ANO10: variants seen among roughly 807,000 people sequenced by gnomAD.
ANO10 encodes anoctamin 10.
A neutral mutation model predicts 74.7 loss-of-function variants in ANO10; 77 were observed. That is an observed-to-expected ratio of 1.03 (90% CI 0.86 to 1.25). The LOEUF is 1.25. Among genes scored for constraint, ANO10 ranks in the 50% most tolerant of loss-of-function variants. The pLI, the probability that ANO10 is intolerant of heterozygous loss-of-function variation, is 0.00. For synonymous variants in ANO10, 279 were observed against 284.9 expected (o/e 0.98, Z 0.21); for missense variants, 721 against 778.1 (o/e 0.93, Z 0.87).
At chr3:43,533,862 T>C (rs2078580415) in intron 11 of ANO10, among the ~76,000 whole-genome samples, 1 of 152,236 alleles carries the variant, frequency 6.6e-6, no homozygotes, top group African/African-American at 2.4e-5. Flanking sequence ...TCCTTTACAT[T>C]GAAAATTTTG....
intron 12 of ANO10, among the ~76,000 whole-genome samples, chr3:43,428,796 C>CAAAAAAAA (rs56213626): frequency 0.015 from 814 of 55,418 alleles, 194 homozygotes; most frequent in African/African-American, 0.019. Flanking sequence ...TTTGTGAATG[C>CAAAAAAAA]AAAAAAAAAA....
At chr3:43,490,352 T>A (rs1456807385) in intron 11 of ANO10, among the ~76,000 whole-genome samples, 3 of 152,238 alleles carry the variant, frequency 2.0e-5, no homozygotes, top group African/African-American at 7.2e-5. Context: ...AAAAACTTTT[T>A]ATCTAAACAC....
intron 12 of ANO10, among the ~76,000 whole-genome samples, chr3:43,371,696 G>T (rs2091617994): frequency 6.6e-6 from 1 of 152,144 alleles, no homozygotes; most frequent in African/African-American, 2.4e-5. Flanking sequence ...ACAAGCAAGG[G>T]CTTCTCTACA....
intron 4 of ANO10, among the ~76,000 whole-genome samples, chr3:43,594,670 A>G (rs1347226432): frequency 6.6e-6 from 1 of 152,244 alleles, no homozygotes; most frequent in Non-Finnish European, 1.5e-5. Flanking sequence ...GAAAAGATCT[A>G]AAATTGACAC....
chr3:43,485,196 T>C (rs1330185465), intron 11 of ANO10: 2 of 697,786 alleles, frequency 2.9e-6, no homozygotes, highest in African/African-American at 1.7e-5. Context: ...GGTGGTCAGG[T>C]ACCGGTATTG....
chr3:43,652,116 CT>C (rs201295611), intron 1 of ANO10, among the ~76,000 whole-genome samples: 122 of 141,914 alleles, frequency 8.6e-4, no homozygotes, highest in Non-Finnish European at 1.0e-3. Context: ...TCTTGGCCGC[CT>C]TTTTTTTTTT....
chr3:43,484,890 A>C (rs1341327476), intron 11 of ANO10: 1 of 633,884 alleles, frequency 1.6e-6, no homozygotes, highest in Non-Finnish European at 2.7e-6. Context: ...CAATTGTCTA[A>C]GCATTTACAG....
chr3:43,507,843 T>G (rs1198402160), intron 11 of ANO10, among the ~76,000 whole-genome samples: 4 of 152,262 alleles, frequency 2.6e-5, no homozygotes, highest in Non-Finnish European at 2.9e-5. Context: ...AGGGGGAGAT[T>G]GTATAGTTAG....
At chr3:43,617,957 T>C (rs13319147) in intron 1 of ANO10, 66,844 of 152,012 alleles carry the variant, frequency 0.44, 17,872 homozygotes, top group East Asian at 0.77. Flanking sequence ...GCAATTTTAA[T>C]GGCCAGGCTA....
At chr3:43,688,318 G>A (rs756201776) in intron 1 of ANO10, among the ~76,000 whole-genome samples, 4 of 152,078 alleles carry the variant, frequency 2.6e-5, no homozygotes, top group Non-Finnish European at 5.9e-5. Flanking sequence ...TGTTCCAGGC[G>A]GTAGGGTCTT....
intron 5 of ANO10, among the ~76,000 whole-genome samples, chr3:43,579,614 G>C (rs2081175714): frequency 6.6e-6 from 1 of 152,188 alleles, no homozygotes; most frequent in Admixed American, 6.5e-5. Context: ...AGCTACATGG[G>C]AGGCTGAGGC....
chr3:43,456,081 A>G (rs111494938), intron 11 of ANO10, among the ~76,000 whole-genome samples: 1 of 152,106 alleles, frequency 6.6e-6, no homozygotes, highest in Non-Finnish European at 1.5e-5. Flanking sequence ...ACATTTGCCT[A>G]CTCCTCAAAT....
At chr3:43,591,740 T>TGGACGGTGGGTGCA (rs1559750604) in intron 4 of ANO10, among the ~76,000 whole-genome samples, 1 of 152,188 alleles carries the variant, frequency 6.6e-6, no homozygotes, top group East Asian at 1.9e-4. Context: ...TGGGGCTCGT[T>TGGACGGTGGGTGCA]GGACGGTGGG....
intron 1 of ANO10, among the ~76,000 whole-genome samples, chr3:43,639,640 T>TA (rs2083651141): frequency 6.6e-6 from 1 of 151,916 alleles, no homozygotes; most frequent in Admixed American, 6.6e-5. Flanking sequence ...TGCATGCCTG[T>TA]AATCCCAGCT....
chr3:43,630,978 T>G (rs535158294), intron 1 of ANO10, among the ~76,000 whole-genome samples: 24 of 152,128 alleles, frequency 1.6e-4, no homozygotes, highest in Non-Finnish European at 5.9e-5. Flanking sequence ...GCAAGAGGTA[T>G]ATGTTAGTAG....
At chr3:43,654,345 C>T (rs2083822805) in intron 1 of ANO10, among the ~76,000 whole-genome samples, 1 of 152,142 alleles carries the variant, frequency 6.6e-6, no homozygotes, top group Non-Finnish European at 1.5e-5. Flanking sequence ...CCCTAGATAA[C>T]ATCTCAGACA....
At chr3:43,585,113 T>C (rs945178997) in intron 4 of ANO10, among the ~76,000 whole-genome samples, 3 of 152,336 alleles carry the variant, frequency 2.0e-5, no homozygotes, top group South Asian at 4.1e-4. Context: ...ATTATGCATA[T>C]ACCACTTTTC....
At chr3:43,393,936 A>G (rs1215620524) in intron 12 of ANO10, among the ~76,000 whole-genome samples, 1 of 152,148 alleles carries the variant, frequency 6.6e-6, no homozygotes, top group East Asian at 1.9e-4. Context: ...CCTGCTGCCC[A>G]GCCCCTAATT....
chr3:43,379,885 A>G (rs1443752706), intron 12 of ANO10, among the ~76,000 whole-genome samples: 1 of 152,248 alleles, frequency 6.6e-6, no homozygotes, highest in African/African-American at 2.4e-5. Context: ...TATTAAGCCA[A>G]TCAAGGAGGC....
Sources: gnomAD v4.1 joint callset for allele counts (sites outside exome capture counted in the v4.1 genomes callset) on GRCh38, gnomAD v4.1.1 for gene constraint, MANE v1.5 for transcripts, NCBI Gene and HGNC (gene_info 2026-07-23, HGNC 2026-07-21) for gene names.